The following CCL4L2 variants were observed in gnomAD, a reference collection of about 807,000 sequenced individuals.
CCL4L2 encodes the protein C-C motif chemokine 4-like.
Under a neutral mutation model 5.9 loss-of-function variants are expected in CCL4L2, and 3 were observed. The observed-to-expected ratio is 0.51, with a 90% CI of 0.23 to 1.32. The LOEUF is 1.32. CCL4L2 is among the 40% of genes most tolerant of loss of function. The pLI is 0.18. For missense variants in CCL4L2, 74 were observed against 121.2 expected (o/e 0.61, Z 1.83); for synonymous variants, 36 against 47.6 (o/e 0.76, Z 1.00).
In CCL4L2 at chr17:36,212,611, C is replaced by G; in HGVS notation, c.*188C>G. ...AAGTCTTCAGGGAAGGTCACCTGAGCCTGGATGCTTCTCCATGAGCCGCAT... is the reference window on the plus strand; with the variant it reads ...AAGTCTTCAGGGAAGGTCACCTGAGGCTGGATGCTTCTCCATGAGCCGCAT... On this transcript the variant is annotated 3_prime_UTR_variant, in exon 3 of 3. Transcript: ENST00000617405. 6.4e-7 allele frequency: 1 copy of G among 1,568,540 alleles called. No individual in the cohort carries two copies. The highest frequency in any genetic ancestry group is 2.2e-5 in the East Asian group (1 of 44,584).
Position 36,212,702 on chromosome 17 carries a change from T to A in CCL4L2, c.*279T>A, listed in dbSNP as rs1419571448. 59 of 1,095,176 alleles carry A rather than the reference T, an allele frequency of 5.4e-5. 7 individuals carry two copies. Among genetic ancestry groups the A allele is most frequent in the Admixed American group, 3.3e-4 (17 of 51,010 alleles). The allele number at this position is 1,095,176 out of a possible 1,614,324, so 67.8% of individuals were successfully genotyped here. A position where few individuals can be genotyped will look rare whatever the true frequency, so the allele number is the denominator to read the frequency against. The stretch of plus-strand genomic sequence containing the variant: ...TTCTCTTAATGTAATCTCTTTTATG[T>A]GCTGTATTATTGTATTAGGTGTTAT... On this transcript the variant is annotated 3_prime_UTR_variant, in exon 3 of 3. Coordinates refer to ENST00000617405, the MANE Select transcript of CCL4L2 (RefSeq NM_001291475.2).
chr17:36,212,708 A>G lies in CCL4L2; in HGVS notation c.*285A>G, dbSNP rs987764276. ...TAATGTAATCTCTTTTATGTGCTGT[A>G]TTATTGTATTAGGTGTTATTTCCAT... On this transcript the variant is annotated 3_prime_UTR_variant, in exon 3 of 3. Transcript: ENST00000617405. 2 of 1,045,056 alleles carry G rather than the reference A, an allele frequency of 1.9e-6. No homozygotes were observed. The highest frequency in any genetic ancestry group is 2.0e-5 in the Admixed American group (1 of 49,014). 64.7% of individuals were successfully genotyped at this position (1,045,056 alleles called of 1,614,324 possible).
At position 36,212,514 on chromosome 17, in the gene CCL4L2, C is replaced by T; in HGVS notation, c.*91C>T. ...ACCAAAAGAGGCAAGCAAGTCTGCG[C>T]TGACCCCAGTGAGTCCTGGGTCCAG... On this transcript the variant is annotated 3_prime_UTR_variant, in exon 3 of 3. Coordinates refer to ENST00000617405, the MANE Select transcript of CCL4L2 (RefSeq NM_001291475.2). The T allele has an allele frequency of 3.8e-6, 6 of 1,581,474 alleles. 1 individual carries two copies. The highest frequency in any genetic ancestry group is 2.6e-6 in the Non-Finnish European group (3 of 1,156,576).
chr17:36,212,872 A>T lies in CCL4L2; in HGVS notation c.*449A>T, dbSNP rs1256354343. ...TAATAAAACTTTAAAATAAAATGCA[A>T]ACAGTTTCTTTGTGATTTTAATTTG... On this transcript the variant is annotated 3_prime_UTR_variant, in exon 3 of 3. Transcript: ENST00000617405. 1.3e-5 allele frequency: 6 copies of T among 478,136 alleles called. No homozygotes were observed. In the South Asian group the frequency reaches 1.4e-4, roughly 12 times the overall value. 29.6% of individuals were successfully genotyped at this position (478,136 alleles called of 1,614,324 possible). A position where few individuals can be genotyped will look rare whatever the true frequency, so the allele number is the denominator to read the frequency against.
intron 2 of CCL4L2, chr17:36,212,228 C>T: frequency 1.4e-6 from 1 of 716,010 alleles, no homozygotes; most frequent in Non-Finnish European, 2.5e-6. Flanking sequence ...GGGAATGGGG[C>T]AATCTATTCA....
chr17:36,212,624 C>T lies in CCL4L2; in HGVS notation c.*201C>T, dbSNP rs1244379632. On this transcript the variant is annotated 3_prime_UTR_variant, in exon 3 of 3. Coordinates refer to ENST00000617405, the MANE Select transcript of CCL4L2 (RefSeq NM_001291475.2). ...AGGTCACCTGAGCCTGGATGCTTCTCCATGAGCCGCATCTCCTCCATACTC... is the reference window on the plus strand; with the variant it reads ...AGGTCACCTGAGCCTGGATGCTTCTTCATGAGCCGCATCTCCTCCATACTC... 3.9e-6 allele frequency: 6 copies of T among 1,551,380 alleles called. No individual in the cohort carries two copies. The highest frequency in any genetic ancestry group is 4.4e-6 in the Non-Finnish European group (5 of 1,128,824).
Position 36,212,685 on chromosome 17 carries a change from A to G in CCL4L2, c.*262A>G. ...TCCGCAGTTCCTGTCTCTTCTCTTA[A>G]TGTAATCTCTTTTATGTGCTGTATT... On this transcript the variant is annotated 3_prime_UTR_variant, in exon 3 of 3. Coordinates refer to ENST00000617405, the MANE Select transcript of CCL4L2 (RefSeq NM_001291475.2). 4 of 1,200,472 alleles carry G rather than the reference A, an allele frequency of 3.3e-6. No homozygotes were observed. The highest frequency in any genetic ancestry group is 4.9e-6 in the Non-Finnish European group (4 of 811,140). The allele number at this position is 1,200,472 out of a possible 1,614,324, so 74.4% of individuals were successfully genotyped here.
chr17:36,211,977 C>T (rs1266430858), intron 2 of CCL4L2, 87 bp downstream of exon 2: 73 of 1,409,910 alleles, frequency 5.2e-5, no homozygotes, highest in Non-Finnish European at 6.9e-5. Flanking sequence ...GGGTGATGAG[C>T]GTTGGGGAGG....
rs1599000801 is a variant in CCL4L2, at chr17:36,212,123, G to A, written c.192-180G>A. 10 of 705,924 alleles carry A rather than the reference G, an allele frequency of 1.4e-5. No homozygotes were observed. In the East Asian group the frequency reaches 2.7e-4, roughly 19 times the overall value. 43.7% of individuals were successfully genotyped at this position (705,924 alleles called of 1,614,324 possible). ...GGGGAGGAAGTTATTCAGAGGACAG[G>A]GAAGCAGGGGAAGGCAGACAGGTCC... On this transcript the variant is annotated intron_variant, in intron 2 of 2. Transcript: ENST00000617405.
rs1289069169 is a variant in CCL4L2, at chr17:36,212,834, C to G, written c.*411C>G. 186 of 526,372 alleles carry G rather than the reference C, an allele frequency of 3.5e-4. No individual in the cohort carries two copies. The highest frequency in any genetic ancestry group is 3.0e-3 in the African/African-American group (166 of 54,532). The allele number at this position is 526,372 out of a possible 1,614,324, so 32.6% of individuals were successfully genotyped here. A position where few individuals can be genotyped will look rare whatever the true frequency, so the allele number is the denominator to read the frequency against. On this transcript the variant is annotated 3_prime_UTR_variant, in exon 3 of 3. Transcript: ENST00000617405. The stretch of plus-strand genomic sequence containing the variant: ...AAATACATGGATAACACCGTTAATT[C>G]CATGTGTTTTCATAATAAAACTTTA...
At position 36,212,551 on chromosome 17, in the gene CCL4L2, T is replaced by C. The variant is rs1360592840; in HGVS notation, c.*128T>C. On this transcript the variant is annotated 3_prime_UTR_variant, in exon 3 of 3. Transcript: ENST00000617405. ...AGTCCTGGGTCCAGGAGTACGTGTATGACCTGGAACTGAACTGAGCTGCTC... is the reference window on the plus strand; with the variant it reads ...AGTCCTGGGTCCAGGAGTACGTGTACGACCTGGAACTGAACTGAGCTGCTC... 3 of 1,581,312 alleles carry C rather than the reference T, an allele frequency of 1.9e-6. No homozygotes were observed. In the African/African-American group the frequency reaches 4.0e-5, roughly 21 times the overall value.
In CCL4L2 at chr17:36,211,591, G is replaced by A. The variant is rs1483829749; in HGVS notation, c.77-185G>A. 1.0e-4 allele frequency: 79 copies of A among 753,768 alleles called. 4 individuals are homozygous for A. Among genetic ancestry groups the A allele is most frequent in the Non-Finnish European group, 1.7e-4 (70 of 422,876 alleles). The allele number at this position is 753,768 out of a possible 1,614,324, so 46.7% of individuals were successfully genotyped here. A position where few individuals can be genotyped will look rare whatever the true frequency, so the allele number is the denominator to read the frequency against. ...TTCCAATCTTCTAGATTTCTTTCTC[G>A]TTCTTCTCTGAAGATCCACTATTCA... On this transcript the variant is annotated intron_variant, in intron 1 of 2. Transcript: ENST00000617405.
rs1291794826 is a variant in CCL4L2, at chr17:36,211,613, T to C, written c.77-163T>C. On this transcript the variant is annotated intron_variant, in intron 1 of 2. Coordinates refer to ENST00000617405, the MANE Select transcript of CCL4L2 (RefSeq NM_001291475.2). ...CTCGTTCTTCTCTGAAGATCCACTA[T>C]TCAGAATAAGACTCCTGCTCATGTT... 2.2e-5 allele frequency: 19 copies of C among 845,328 alleles called. 2 individuals carry two copies. Among genetic ancestry groups the C allele is most frequent in the Non-Finnish European group, 3.6e-5 (18 of 500,244 alleles). 52.4% of individuals were successfully genotyped at this position (845,328 alleles called of 1,614,324 possible). A position where few individuals can be genotyped will look rare whatever the true frequency, so the allele number is the denominator to read the frequency against.
In CCL4L2 at chr17:36,212,870, C is replaced by G. The variant is rs1343935454; in HGVS notation, c.*447C>G. The stretch of plus-strand genomic sequence containing the variant: ...CATAATAAAACTTTAAAATAAAATG[C>G]AAACAGTTTCTTTGTGATTTTAATT... On this transcript the variant is annotated 3_prime_UTR_variant, in exon 3 of 3. Transcript: ENST00000617405. 1 of 474,848 alleles carries G rather than the reference C, an allele frequency of 2.1e-6. No homozygotes were observed. The highest frequency in any genetic ancestry group is 4.0e-6 in the Non-Finnish European group (1 of 252,742). 29.4% of individuals were successfully genotyped at this position (474,848 alleles called of 1,614,324 possible). A position where few individuals can be genotyped will look rare whatever the true frequency, so the allele number is the denominator to read the frequency against.
intron 2 of CCL4L2, 115 bp downstream of exon 2, chr17:36,212,005 G>A (rs2068790032): frequency 4.0e-6 from 5 of 1,236,214 alleles, no homozygotes; most frequent in South Asian, 1.2e-5. Context: ...CAGGGCTGAA[G>A]CCTTCCCTGA....
chr17:36,211,591 G>C (rs1483829749), intron 1 of CCL4L2, 185 bp from the exon 2 acceptor site: 1 of 753,886 alleles, frequency 1.3e-6, no homozygotes. Flanking sequence ...TTTCTTTCTC[G>C]TTCTTCTCTG....
intron 2 of CCL4L2, chr17:36,212,111 T>C: frequency 4.1e-6 from 3 of 723,602 alleles, no homozygotes; most frequent in Non-Finnish European, 4.9e-6. Context: ...GAGGAAGTTA[T>C]TCAGAGGACA....
chr17:36,211,673 T>A (rs1426633292), intron 1 of CCL4L2, 103 bp from the exon 2 acceptor site: 2 of 1,329,446 alleles, frequency 1.5e-6, no homozygotes, highest in African/African-American at 2.7e-5. Flanking sequence ...ATATTTGGGG[T>A]TCTGGTAGCT....
rs1375308092 is a variant in CCL4L2 at position 36,211,074 on chromosome 17, C to T, written c.-68C>T. 18 of 1,531,436 alleles carry T rather than the reference C, an allele frequency of 1.2e-5. 3 individuals carry two copies. The highest frequency in any genetic ancestry group is 4.2e-4 in the Middle Eastern group (2 of 4,746). 94.9% of individuals were successfully genotyped at this position (1,531,436 alleles called of 1,614,324 possible). A position where few individuals can be genotyped will look rare whatever the true frequency, so the allele number is the denominator to read the frequency against. On this transcript the variant is annotated 5_prime_UTR_variant, in exon 1 of 3. Coordinates refer to ENST00000617405, the MANE Select transcript of CCL4L2 (RefSeq NM_001291475.2). ...CCCAACTCAGTATCAGCACAGGACA[C>T]AGCTAGGTTCTGAAGCTTCTGAGTT...
Sources: allele counts gnomAD v4.1 joint callset, GRCh38; gene constraint gnomAD v4.1.1; transcripts MANE v1.5; gene names NCBI Gene and HGNC (gene_info 2026-07-23, HGNC 2026-07-21).